The following CRACD variants were observed in gnomAD, a reference collection of about 807,000 sequenced individuals.
CRACD encodes the protein capping protein inhibiting regulator of actin dynamics.
CRACD carries 56 observed loss-of-function variants against 106.8 expected under a neutral mutation model. The ratio of observed to expected loss-of-function variants is 0.52; its 90% CI spans 0.42 to 0.66. The LOEUF is 0.66. Among genes scored for constraint, CRACD ranks in the 30% least tolerant of loss-of-function variants. The pLI is 0.00. For synonymous variants in CRACD, 754 were observed against 670.8 expected (o/e 1.12, Z -1.92); for missense variants, 1,730 against 1,623.2 (o/e 1.07, Z -1.13).
intron 2 of CRACD, among the ~76,000 whole-genome samples, chr4:56,183,705 C>T (rs972903643): frequency 1.3e-5 from 2 of 152,156 alleles, no homozygotes; most frequent in Non-Finnish European, 2.9e-5. Flanking sequence ...GGAAGATTCA[C>T]GAACTAGAGC....
At chr4:56,200,185 A>G (rs559547891) in intron 2 of CRACD, among the ~76,000 whole-genome samples, 146 of 151,742 alleles carry the variant, frequency 9.6e-4, no homozygotes, top group African/African-American at 3.4e-3. Context: ...TAGAAATGCC[A>G]GTCCCCAGAG....
At chr4:56,301,358 C>A in intron 4 of CRACD, 1 of 546,666 alleles carries the variant, frequency 1.8e-6, no homozygotes, top group Non-Finnish European at 2.9e-6. Flanking sequence ...AGAGACCGCC[C>A]CCTTGTAGAT....
At chr4:56,306,479 C>T (rs1277653271) in intron 4 of CRACD, among the ~76,000 whole-genome samples, 1 of 152,046 alleles carries the variant, frequency 6.6e-6, no homozygotes, top group African/African-American at 2.4e-5. Context: ...GGCCACTGCA[C>T]TCCAGCCTGG....
chr4:56,181,994 A>G (rs529965004), intron 2 of CRACD, among the ~76,000 whole-genome samples: 2 of 152,306 alleles, frequency 1.3e-5, no homozygotes, highest in East Asian at 3.9e-4. Flanking sequence ...ACCTTAAATA[A>G]TAAGTAATAG....
At chr4:56,199,928 A>G (rs1000851021) in intron 2 of CRACD, among the ~76,000 whole-genome samples, 1 of 152,114 alleles carries the variant, frequency 6.6e-6, no homozygotes, top group African/African-American at 2.4e-5. Context: ...AGACTAGACG[A>G]TAACATAGAA....
chr4:56,098,056 C>G lies in CRACD; in HGVS notation c.-336+48757C>G, dbSNP rs200278985. 3.8e-4 allele frequency among the ~76,000 whole-genome samples: 58 copies of G among 152,156 alleles called. No individual in the cohort carries two copies. The East Asian group carries it at 9.7e-3, about 25-fold the overall frequency. ...GCTTTGCTTATAGGTTTGATTTTTG[C>G]TGTTTCTGTAAAATATTTTTCTAAA... On this transcript the variant is annotated intron_variant, in intron 1 of 10. Transcript: ENST00000682029.
intron 1 of CRACD, among the ~76,000 whole-genome samples, chr4:56,109,361 A>G (rs972185015): frequency 1.3e-5 from 2 of 152,044 alleles, no homozygotes; most frequent in Non-Finnish European, 2.9e-5. Context: ...TCTTTATTAT[A>G]CTGAAACAGT....
At chr4:56,114,431 A>G (rs1296035575) in intron 1 of CRACD, among the ~76,000 whole-genome samples, 1 of 152,088 alleles carries the variant, frequency 6.6e-6, no homozygotes, top group Non-Finnish European at 1.5e-5. Flanking sequence ...ATTGGCCAGA[A>G]ATAGGTCATG....
intron 1 of CRACD, among the ~76,000 whole-genome samples, chr4:56,143,908 A>G (rs1025917964): frequency 1.3e-5 from 2 of 152,190 alleles, no homozygotes; most frequent in African/African-American, 4.8e-5. Flanking sequence ...GGAGTTAAGA[A>G]AAGAGGAAAT....
intron 1 of CRACD, among the ~76,000 whole-genome samples, chr4:56,161,514 C>G (rs1401044727): frequency 1.3e-5 from 2 of 149,214 alleles, no homozygotes; most frequent in Non-Finnish European, 1.5e-5. Flanking sequence ...TGCAGTGGCA[C>G]AATTTCAGCT....
chr4:56,240,576 C>T (rs907703921), intron 2 of CRACD, among the ~76,000 whole-genome samples: 5 of 152,198 alleles, frequency 3.3e-5, no homozygotes, highest in Admixed American at 6.5e-5. Flanking sequence ...GTGATCACAA[C>T]TCACTGCAGC....
chr4:56,314,695 A>T lies in CRACD; in HGVS notation c.1193A>T (p.Glu398Val). ...ETGEGRRGAE[E>V]EDLGEEEEEG... is the part of the protein sequence containing the mutation. ...GGGGAGGGCCGGCGGGGCGCGGAGGAGGAGGATCTGGGGGAAGAGGAGGAG... is the reference window on the plus strand; with the variant it reads ...GGGGAGGGCCGGCGGGGCGCGGAGGTGGAGGATCTGGGGGAAGAGGAGGAG... Residue 398 changes from glutamate to valine, a missense_variant, in exon 8 of 11, where the codon GAG becomes GTG. Glu to Val is a moderately radical substitution (Grantham distance 121). Transcript: ENST00000682029. The surrounding 1 kb of genome is among the most constrained non-coding windows in gnomAD (Gnocchi z 4.4). 1.9e-6 allele frequency: 3 copies of T among 1,556,854 alleles called. No individual in the cohort carries two copies. Among genetic ancestry groups the T allele is most frequent in the Non-Finnish European group, 1.7e-6 (2 of 1,150,392 alleles).
At position 56,327,732 on chromosome 4, in the gene CRACD, A is replaced by G. The variant is rs780498059; in HGVS notation, c.3630A>G (p.Thr1210=). ...CCCCGGATGCTGCCCCCGTGTCAAC[A>G]GAACCAGCCTGGCTGGCTTTGGCCA... ...FSTPDAAPVS[T]EPAWLALAKR... is the part of the protein sequence containing the mutation. Residue 1210 remains threonine, a synonymous_variant, in exon 11 of 11, where the codon ACA becomes ACG. Coordinates refer to ENST00000682029, the MANE Select transcript of CRACD (RefSeq NM_001393381.1). 3 of 1,614,098 alleles carry G rather than the reference A, an allele frequency of 1.9e-6. No individual in the cohort carries two copies. In the African/African-American group the frequency reaches 4.0e-5, roughly 22 times the overall value.
At chr4:56,120,589 G>A (rs1294577724) in intron 1 of CRACD, among the ~76,000 whole-genome samples, 2 of 151,986 alleles carry the variant, frequency 1.3e-5, no homozygotes, top group Non-Finnish European at 1.5e-5. Context: ...CGATTTCCCT[G>A]CTTAAATATC....
At chr4:56,071,134 T>G (rs1159305002) in intron 1 of CRACD, among the ~76,000 whole-genome samples, 1 of 152,216 alleles carries the variant, frequency 6.6e-6, no homozygotes, top group Non-Finnish European at 1.5e-5. Context: ...CTATTTGTAC[T>G]GACAACTTCT....
chr4:56,107,710 G>C (rs1354097577), intron 1 of CRACD, among the ~76,000 whole-genome samples: 2 of 152,196 alleles, frequency 1.3e-5, no homozygotes, highest in African/African-American at 2.4e-5. Flanking sequence ...GGGAAGGAGA[G>C]TGCACTTGGT....
chr4:56,287,495 G>A (rs1743440383), intron 3 of CRACD, among the ~76,000 whole-genome samples: 1 of 152,088 alleles, frequency 6.6e-6, no homozygotes, highest in African/African-American at 2.4e-5. Flanking sequence ...TGGCCAGGCT[G>A]GTGTTGAACT....
At position 56,270,808 on chromosome 4, in the gene CRACD, C is replaced by T. The variant is rs532047433; in HGVS notation, c.-188-1513C>T. ...GTTAAAACATGTTTTTAGGCCAGGCCCAGTGGTTCACGCCTGTAATCACAG... is the reference window on the plus strand; with the variant it reads ...GTTAAAACATGTTTTTAGGCCAGGCTCAGTGGTTCACGCCTGTAATCACAG... On this transcript the variant is annotated intron_variant, in intron 2 of 10. Transcript: ENST00000682029. Among the ~76,000 whole-genome samples, 7 of 152,050 alleles carry T rather than the reference C, an allele frequency of 4.6e-5. No individual in the cohort carries two copies. The South Asian group carries it at 8.3e-4, about 18-fold the overall frequency.
At chr4:56,128,527 T>A (rs1734726679) in intron 1 of CRACD, among the ~76,000 whole-genome samples, 1 of 152,230 alleles carries the variant, frequency 6.6e-6, no homozygotes, top group South Asian at 2.1e-4. Context: ...TGGATCCTTT[T>A]CTATTATTTT....
Sources: gnomAD v4.1 joint callset for allele counts (sites outside exome capture counted in the v4.1 genomes callset) on GRCh38, gnomAD v4.1.1 for gene constraint, Gnocchi (gnomAD v3.1) non-coding constraint, MANE v1.5 for transcripts, NCBI Gene and HGNC (gene_info 2026-07-23, HGNC 2026-07-21) for gene names.